SAMD3: variants seen among roughly 807,000 people sequenced by gnomAD.
The protein encoded by SAMD3 is sterile alpha motif domain containing 3.
A neutral mutation model predicts 58.5 loss-of-function variants in SAMD3; 63 were observed. The ratio of observed to expected loss-of-function variants is 1.08; its 90% CI spans 0.88 to 1.33. The LOEUF (loss-of-function observed/expected upper bound fraction) is 1.33, where lower values mean the gene tolerates loss of function less well. Ranked by LOEUF, SAMD3 falls within the 40% of genes most tolerant of loss-of-function variation. SAMD3 has a pLI of 0.00. For synonymous variants in SAMD3, 220 were observed against 210.3 expected (o/e 1.05, Z -0.40); for missense variants, 604 against 608.4 (o/e 0.99, Z 0.08).
At chr6:130,285,531 G>A (rs1174946153) in intron 2 of SAMD3, among the ~76,000 whole-genome samples, 1 of 152,238 alleles carries the variant, frequency 6.6e-6, no homozygotes, top group Admixed American at 6.5e-5. Flanking sequence ...TTGGAAGCAT[G>A]AGGGTGCACG....
chr6:130,262,974 A>C (rs1448891973), intron 2 of SAMD3, among the ~76,000 whole-genome samples: 1 of 152,182 alleles, frequency 6.6e-6, no homozygotes, highest in African/African-American at 2.4e-5. Context: ...TAAAAGGTTA[A>C]AAAGAATCTA....
At chr6:130,175,793 A>G in intron 8 of SAMD3, 48 bp downstream of exon 8, 2 of 1,192,578 alleles carry the variant, frequency 1.7e-6, no homozygotes, top group Non-Finnish European at 2.4e-6. Flanking sequence ...CCCTTAATCA[A>G]TATATCAATC....
intron 2 of SAMD3, among the ~76,000 whole-genome samples, chr6:130,260,593 G>T (rs1231618609): frequency 6.6e-6 from 1 of 152,190 alleles, no homozygotes; most frequent in Admixed American, 6.5e-5. Context: ...AGTTTTGTCT[G>T]CAGCTGGCCC....
rs78566891 is a variant in SAMD3 at position 130,187,562 on chromosome 6, C to T, written c.384-2939G>A. Among the ~76,000 whole-genome samples the T allele has an allele frequency of 4.3e-3, 661 of 152,110 alleles. 9 individuals are homozygous for T. Among genetic ancestry groups the T allele is most frequent in the African/African-American group, 0.015 (623 of 41,494 alleles). ...TACCAGTCAAAATGAGTATTACACA[C>T]GAAAAGTGACTCATCAGAAATTAAA... is the stretch of plus-strand genomic sequence containing the variant. On this transcript the variant is annotated intron_variant, in intron 5 of 11. Transcript: ENST00000439090.
chr6:130,347,440 C>T (rs1777491222), intron 1 of SAMD3, among the ~76,000 whole-genome samples: 1 of 152,172 alleles, frequency 6.6e-6, no homozygotes, highest in South Asian at 2.1e-4. Flanking sequence ...GCACAAGCCT[C>T]AGTAGCCAAT....
At chr6:130,278,184 C>A (rs1233055922) in intron 2 of SAMD3, among the ~76,000 whole-genome samples, 1 of 152,142 alleles carries the variant, frequency 6.6e-6, no homozygotes, top group Non-Finnish European at 1.5e-5. Flanking sequence ...TTGTGGACCC[C>A]ACCCAGGAAC....
chr6:130,260,074 A>T (rs1245431807), intron 2 of SAMD3, among the ~76,000 whole-genome samples: 16 of 152,222 alleles, frequency 1.1e-4, no homozygotes. Flanking sequence ...TCATAGATAC[A>T]GTCACATACT....
intron 5 of SAMD3, among the ~76,000 whole-genome samples, chr6:130,198,672 C>A (rs1794367194): frequency 6.6e-6 from 1 of 152,128 alleles, no homozygotes; most frequent in Non-Finnish European, 1.5e-5. Flanking sequence ...ATTTGAGATA[C>A]AAAAACCAGT....
intron 5 of SAMD3, among the ~76,000 whole-genome samples, chr6:130,197,275 G>A (rs955140208): frequency 1.3e-5 from 2 of 152,256 alleles, no homozygotes; most frequent in Non-Finnish European, 2.9e-5. Context: ...ACTATCTTCT[G>A]TCTAGTCATA....
chr6:130,234,201 C>T (rs1796621106), intron 2 of SAMD3, among the ~76,000 whole-genome samples: 1 of 152,118 alleles, frequency 6.6e-6, no homozygotes, highest in Non-Finnish European at 1.5e-5. Context: ...TTTTGCTTCT[C>T]TTATGTGTAA....
chr6:130,173,401 CTTTTTG>C, intron 8 of SAMD3, among the ~76,000 whole-genome samples: 1 of 152,270 alleles, frequency 6.6e-6, no homozygotes, highest in Non-Finnish European at 1.5e-5. Context: ...GATGATGTTG[CTTTTTG>C]TTTGTTAGTT....
chr6:130,309,224 T>G (rs1356351354), intron 2 of SAMD3, among the ~76,000 whole-genome samples: 3 of 152,206 alleles, frequency 2.0e-5, no homozygotes, highest in African/African-American at 7.2e-5. Context: ...TACTACTACT[T>G]ACAATGTGGG....
At chr6:130,221,101 A>T (rs543193340) in intron 1 of SAMD3, among the ~76,000 whole-genome samples, 1 of 152,030 alleles carries the variant, frequency 6.6e-6, no homozygotes, top group South Asian at 2.1e-4. Context: ...TGATCTGCCC[A>T]CCTTGGCCTC....
intron 1 of SAMD3, among the ~76,000 whole-genome samples, chr6:130,326,366 C>CTTTTT (rs1444494681): frequency 3.5e-5 from 4 of 113,258 alleles, no homozygotes; most frequent in Non-Finnish European, 5.3e-5. Flanking sequence ...AATGCCTGGT[C>CTTTTT]ATTTTTTTTT....
At position 130,180,504 on chromosome 6, in the gene SAMD3, A is replaced by ACAAT. The variant is rs573671113; in HGVS notation, c.654+3598_654+3599insATTG. ...GCTTTTAAATGCTCAACCAAAACAA[A>ACAAT]CAAACAAGCAAACAAATATGACAGA... On this transcript the variant is annotated intron_variant, in intron 7 of 11. Transcript: ENST00000439090. Among the ~76,000 whole-genome samples, 430 of 152,214 alleles carry ACAAT rather than the reference A, an allele frequency of 2.8e-3. 4 individuals are homozygous for ACAAT. The highest frequency in any genetic ancestry group is 8.3e-3 in the African/African-American group (344 of 41,522).
chr6:130,352,294 A>G (rs1354151648), intron 1 of SAMD3, among the ~76,000 whole-genome samples: 1 of 152,194 alleles, frequency 6.6e-6, no homozygotes, highest in African/African-American at 2.4e-5. Flanking sequence ...CTATATTAAT[A>G]AATCAAGATA....
intron 8 of SAMD3, chr6:130,162,390 TC>T (rs1481870876): frequency 1.6e-6 from 1 of 615,752 alleles, no homozygotes; most frequent in East Asian, 2.8e-5. Context: ...CTTTTTTATC[TC>T]CCAGAAATGA....
intron 1 of SAMD3, among the ~76,000 whole-genome samples, chr6:130,347,256 G>A (rs1281812984): frequency 6.6e-6 from 1 of 152,132 alleles, no homozygotes; most frequent in Non-Finnish European, 1.5e-5. Flanking sequence ...AGAGAACAAG[G>A]CTTCAGATGA....
intron 2 of SAMD3, among the ~76,000 whole-genome samples, chr6:130,261,496 T>C (rs1462228375): frequency 6.6e-6 from 1 of 152,226 alleles, no homozygotes; most frequent in South Asian, 2.1e-4. Flanking sequence ...TGGTTTTGAT[T>C]TCTGGATACT....
Sources: allele counts gnomAD v4.1 joint callset (sites outside exome capture counted in the v4.1 genomes callset), GRCh38; gene constraint gnomAD v4.1.1; transcripts MANE v1.5; gene names NCBI Gene and HGNC (gene_info 2026-07-23, HGNC 2026-07-21).